Variants in LRRC4C observed in about 807,000 individuals in gnomAD.
LRRC4C encodes leucine-rich repeat-containing protein 4C.
In LRRC4C, 5 loss-of-function variants were observed where a neutral mutation model predicts 33.6. The ratio of observed to expected loss-of-function variants is 0.15; its 90% CI spans 0.08 to 0.31. LRRC4C has a LOEUF of 0.31. Among genes scored for constraint, LRRC4C ranks in the 10% least tolerant of loss-of-function variants. The probability of loss-of-function intolerance (pLI) is 1.00; values close to 1 mark genes in which losing one functional copy is unlikely to be tolerated. For synonymous variants in LRRC4C, 329 were observed against 302.0 expected (o/e 1.09, Z -0.93); for missense variants, 560 against 796.7 (o/e 0.70, Z 3.58).
chr11:40,496,300 T>G (rs1954454706), intron 3 of LRRC4C, among the ~76,000 whole-genome samples: 1 of 152,182 alleles, frequency 6.6e-6, no homozygotes, highest in South Asian at 2.1e-4. Context: ...AAACTTATTT[T>G]CTTCCAGCTT....
At chr11:40,656,341 A>G (rs564749377) in intron 2 of LRRC4C, among the ~76,000 whole-genome samples, 105 of 151,854 alleles carry the variant, frequency 6.9e-4, no homozygotes, top group Admixed American at 1.6e-3. Flanking sequence ...TGTTTATATG[A>G]AAAATATATG....
chr11:40,493,212 T>C (rs1954253299), intron 3 of LRRC4C, among the ~76,000 whole-genome samples: 1 of 151,954 alleles, frequency 6.6e-6, no homozygotes. Context: ...ACTTTAAGAA[T>C]GGGAAAAATT....
Position 40,512,501 on chromosome 11 carries a change from T to C in LRRC4C, c.-270+135641A>G, listed in dbSNP as rs573029866. 3.3e-5 allele frequency among the ~76,000 whole-genome samples: 5 copies of C among 152,316 alleles called. No homozygotes were observed. In the South Asian group the frequency reaches 1.0e-3, roughly 32 times the overall value. The stretch of plus-strand genomic sequence containing the variant: ...GGGCACAGAGGGGCAGTTATTTTTC[T>C]GGTCTCACTTGAAACATCTTATGTA... On this transcript the variant is annotated intron_variant, in intron 3 of 6. Coordinates refer to ENST00000528697, the MANE Select transcript of LRRC4C (RefSeq NM_001258419.2).
intron 5 of LRRC4C, among the ~76,000 whole-genome samples, chr11:40,206,342 T>A (rs770523484): frequency 3.4e-4 from 52 of 152,050 alleles, no homozygotes; most frequent in Non-Finnish European, 1.2e-4. Context: ...TTCCGGCAAT[T>A]CTCCTGCCTC....
chr11:40,114,781 G>C lies in LRRC4C; in HGVS notation c.1512C>G (p.Thr504=). ...TPQSTRSTEK[T]FTIPVTDINS... ...TTATATCAGTCACTGGGATGGTGAA[G>C]GTTTTCTCTGTCGACCTTGTGCTCT... Residue 504 remains threonine (T), a synonymous_variant, in exon 7 of 7, where the codon ACC becomes ACG. Transcript: ENST00000528697. 1 of 1,614,150 alleles carries C rather than the reference G, an allele frequency of 6.2e-7. No homozygotes were observed. Among genetic ancestry groups the C allele is most frequent in the South Asian group, 1.1e-5 (1 of 91,082 alleles).
intron 1 of LRRC4C, among the ~76,000 whole-genome samples, chr11:40,938,292 A>G (rs552582388): frequency 6.6e-6 from 1 of 152,248 alleles, no homozygotes; most frequent in South Asian, 2.1e-4. Context: ...GTGCACCGCA[A>G]TGATTCTGTA....
At chr11:41,015,789 C>A (rs774883154) in intron 1 of LRRC4C, among the ~76,000 whole-genome samples, 1 of 152,104 alleles carries the variant, frequency 6.6e-6, no homozygotes, top group Non-Finnish European at 1.5e-5. Flanking sequence ...CAGAAACTTT[C>A]TTGTTTGCAA....
Position 41,406,933 on chromosome 11 carries a change from G to T in LRRC4C, c.-496+52498C>A, listed in dbSNP as rs575497130. Among the ~76,000 whole-genome samples, 7 of 151,962 alleles carry T rather than the reference G, an allele frequency of 4.6e-5. No individual in the cohort carries two copies. In the South Asian group the frequency reaches 1.5e-3, roughly 32 times the overall value. The stretch of plus-strand genomic sequence containing the variant: ...GGTAACTTCAAATGTTAGTTTTTTG[G>T]TGGCATGTAAAAAAAATTGTAAAAA... On this transcript the variant is annotated intron_variant, in intron 1 of 6. Coordinates refer to ENST00000528697, the MANE Select transcript of LRRC4C (RefSeq NM_001258419.2).
At chr11:40,336,938 C>T (rs908722928) in intron 3 of LRRC4C, among the ~76,000 whole-genome samples, 2 of 132,756 alleles carry the variant, frequency 1.5e-5, no homozygotes, top group Non-Finnish European at 1.5e-5. Flanking sequence ...GATTGCACCA[C>T]TGCACTCCAG....
intron 3 of LRRC4C, among the ~76,000 whole-genome samples, chr11:40,604,215 T>C (rs1379434489): frequency 6.6e-6 from 1 of 152,134 alleles, no homozygotes; most frequent in Non-Finnish European, 1.5e-5. Context: ...TAAAACTTTT[T>C]CACTAAAAAT....
intron 1 of LRRC4C, among the ~76,000 whole-genome samples, chr11:41,110,890 G>A (rs1030286575): frequency 1.3e-5 from 2 of 151,910 alleles, no homozygotes; most frequent in Non-Finnish European, 2.9e-5. Context: ...GCAAGCATCC[G>A]AGTAACCTGG....
chr11:40,789,279 T>TAGTG (rs1453055585), intron 2 of LRRC4C, among the ~76,000 whole-genome samples: 2 of 152,046 alleles, frequency 1.3e-5, no homozygotes, highest in Non-Finnish European at 2.9e-5. Flanking sequence ...ATTATAAGTA[T>TAGTG]AGTGTTATTT....
chr11:41,149,595 AATTT>A (rs1458236941), intron 1 of LRRC4C, among the ~76,000 whole-genome samples: 7 of 151,962 alleles, frequency 4.6e-5, no homozygotes, highest in African/African-American at 1.7e-4. Flanking sequence ...AACTGGCTCC[AATTT>A]AAGTAATCTT....
chr11:40,677,290 G>A (rs1308949319), intron 2 of LRRC4C, among the ~76,000 whole-genome samples: 3 of 152,074 alleles, frequency 2.0e-5, no homozygotes, highest in East Asian at 1.9e-4. Context: ...GGAGGCTGAG[G>A]CAGGAGAATT....
chr11:40,235,815 C>T (rs1000089205), intron 5 of LRRC4C, among the ~76,000 whole-genome samples: 17 of 152,144 alleles, frequency 1.1e-4, no homozygotes, highest in Non-Finnish European at 8.8e-5. Flanking sequence ...ATACAATCTT[C>T]AACCCAATTC....
chr11:41,040,767 A>G (rs1235415954), intron 1 of LRRC4C, among the ~76,000 whole-genome samples: 1 of 152,180 alleles, frequency 6.6e-6, no homozygotes, highest in Non-Finnish European at 1.5e-5. Flanking sequence ...TTTAATATTG[A>G]CTCAACTCAA....
chr11:40,834,911 G>GACAGACAGACAGACAGACACAC (rs748483585), intron 2 of LRRC4C, among the ~76,000 whole-genome samples: 1 of 84,826 alleles, frequency 1.2e-5, no homozygotes, highest in Non-Finnish European at 2.6e-5. Flanking sequence ...CAGACAGACA[G>GACAGACAGACAGACAGACACAC]ACACACACAC....
At chr11:40,605,397 C>A (rs546843331) in intron 3 of LRRC4C, among the ~76,000 whole-genome samples, 15 of 152,196 alleles carry the variant, frequency 9.9e-5, no homozygotes, top group African/African-American at 3.1e-4. Context: ...CAGTTTTTCC[C>A]TACATAGAGG....
intron 2 of LRRC4C, among the ~76,000 whole-genome samples, chr11:40,912,547 C>A (rs1281252674): frequency 6.6e-6 from 1 of 152,112 alleles, no homozygotes; most frequent in Non-Finnish European, 1.5e-5. Flanking sequence ...CTGAAGGAAG[C>A]GCTAAACATG....
Sources: allele counts gnomAD v4.1 joint callset (sites outside exome capture counted in the v4.1 genomes callset), GRCh38; gene constraint gnomAD v4.1.1; transcripts MANE v1.5; gene names NCBI Gene and HGNC (gene_info 2026-07-23, HGNC 2026-07-21).